CFAP92: variants seen among roughly 807,000 people sequenced by gnomAD.
The protein encoded by CFAP92 is cilia and flagella associated protein 92 (putative).
In CFAP92, 86 loss-of-function variants were observed where a neutral mutation model predicts 106.3. That is an observed-to-expected ratio of 0.81 (90% CI 0.68 to 0.97). CFAP92 has a LOEUF of 0.97. Ranked by LOEUF, CFAP92 falls within the 50% of genes least tolerant of loss-of-function variation. The pLI is 0.00. For missense variants in CFAP92, 1,204 were observed against 1,283.8 expected, an observed-to-expected ratio of 0.94 and a Z score of 0.95; for synonymous variants, 477 against 506.4, an observed-to-expected ratio of 0.94 and a Z score of 0.78.
intron 4 of CFAP92, among the ~76,000 whole-genome samples, chr3:128,984,923 G>A (rs754776755): frequency 1.6e-4 from 25 of 152,148 alleles, no homozygotes; most frequent in Non-Finnish European, 3.1e-4. Context: ...ATCTTTTTAC[G>A]TGAGAAAAGG....
intron 3 of CFAP92, among the ~76,000 whole-genome samples, chr3:128,988,309 C>T (rs1293938958): frequency 2.0e-5 from 3 of 152,096 alleles, no homozygotes; most frequent in East Asian, 1.9e-4. Context: ...GGGAGGCCAA[C>T]GCGGGAGGAT....
intron 4 of CFAP92, 121 bp from the exon 5 acceptor site, chr3:128,978,306 T>C: frequency 1.0e-6 from 1 of 952,704 alleles, no homozygotes. Flanking sequence ...CTAAAGTAAA[T>C]ATCACAATAA....
At chr3:129,007,898 A>G in the CFAP92 span, among the ~76,000 whole-genome samples, 2 of 152,146 alleles carry the variant, frequency 1.3e-5, no homozygotes, top group African/African-American at 2.4e-5. Context: ...AACCATACTA[A>G]TTTTAAAGTC....
intron 4 of CFAP92, among the ~76,000 whole-genome samples, chr3:128,981,579 C>T (rs1435024567): frequency 1.3e-5 from 2 of 152,166 alleles, no homozygotes; most frequent in Non-Finnish European, 2.9e-5. Context: ...GATCCACCCA[C>T]CTCGGCCTCC....
At chr3:128,981,686 T>C (rs1261726439) in intron 4 of CFAP92, among the ~76,000 whole-genome samples, 3 of 152,230 alleles carry the variant, frequency 2.0e-5, no homozygotes, top group Non-Finnish European at 4.4e-5. Context: ...TCACTATCTA[T>C]GGAAGCTATG....
chr3:128,923,231 AG>A (rs1333116057), intron 12 of CFAP92, among the ~76,000 whole-genome samples: 2 of 152,194 alleles, frequency 1.3e-5, no homozygotes, highest in African/African-American at 4.8e-5. Flanking sequence ...CCAACCATGG[AG>A]GGGGTTCCCC....
intron 12 of CFAP92, among the ~76,000 whole-genome samples, chr3:128,918,531 A>T (rs1460297838): frequency 6.6e-6 from 1 of 152,224 alleles, no homozygotes; most frequent in Non-Finnish European, 1.5e-5. Flanking sequence ...GAGGAGGAAC[A>T]TGCAGGAGGA....
the CFAP92 span, among the ~76,000 whole-genome samples, chr3:129,024,539 AG>A: frequency 6.6e-6 from 1 of 151,372 alleles, no homozygotes; most frequent in Non-Finnish European, 1.5e-5. Flanking sequence ...GCAAAAAAAA[AG>A]AAAAAAAAAA....
chr3:128,972,594 T>G (rs1942881641), intron 7 of CFAP92, among the ~76,000 whole-genome samples: 1 of 151,282 alleles, frequency 6.6e-6, no homozygotes, highest in Non-Finnish European at 1.5e-5. Context: ...GGTAACTCAC[T>G]CCTGTAAACC....
intron 12 of CFAP92, among the ~76,000 whole-genome samples, chr3:128,921,203 C>T (rs889654071): frequency 2.0e-5 from 3 of 152,136 alleles, no homozygotes; most frequent in Non-Finnish European, 4.4e-5. Context: ...ACATTCCTGG[C>T]GCCCAATATG....
intron 7 of CFAP92, 102 bp from the exon 8 acceptor site, chr3:128,971,535 G>A: frequency 1.0e-6 from 1 of 973,102 alleles, no homozygotes; most frequent in Non-Finnish European, 1.5e-6. Flanking sequence ...GGTTCTGGAA[G>A]CTCCTAGAAG....
chr3:128,989,086 C>T (rs751699454), intron 2 of CFAP92, among the ~76,000 whole-genome samples, 168 bp from the exon 3 acceptor site: 7 of 152,066 alleles, frequency 4.6e-5, no homozygotes, highest in Non-Finnish European at 8.8e-5. Flanking sequence ...CAGAGTAGCA[C>T]GACCTGGACT....
At position 128,945,634 on chromosome 3, in the gene CFAP92, G is replaced by A. The variant is rs754062408; in HGVS notation, c.1695C>T (p.Ile565=). Residue 565 remains isoleucine, a synonymous_variant, in exon 10 of 16, where the codon ATC becomes ATT. Transcript: ENST00000645291. The part of the protein sequence containing the change: ...SQNKMWYPYG[I]AQVSFADLLL... ...GGAGGTCAGCAAAACTGACCTGGGCGATGCCATAAGGGTACCACATCTTGT... is the reference window on the plus strand; with the variant it reads ...GGAGGTCAGCAAAACTGACCTGGGCAATGCCATAAGGGTACCACATCTTGT... The A allele has an allele frequency of 1.7e-4, 259 of 1,536,006 alleles. 1 individual carries two copies. Among genetic ancestry groups the A allele is most frequent in the Admixed American group, 8.2e-4 (42 of 50,986 alleles).
chr3:128,911,440 CTCTT>C (rs1040461426), intron 15 of CFAP92, among the ~76,000 whole-genome samples: 4 of 151,904 alleles, frequency 2.6e-5, no homozygotes, highest in African/African-American at 4.8e-5. Context: ...TGGCTGTATT[CTCTT>C]TTTTTTGGAG....
upstream of CFAP92, among the ~76,000 whole-genome samples, chr3:128,996,832 C>T (rs1338211853): frequency 6.6e-6 from 1 of 152,216 alleles, no homozygotes; most frequent in African/African-American, 2.4e-5. Flanking sequence ...TTCGTGGGCC[C>T]GCTGGTTCCC....
In CFAP92 at chr3:128,945,706, G is replaced by T. The variant is rs13059115; in HGVS notation, c.1623C>A (p.Ala541=). ...DPLDSYLNFQ[A]LISPRETENN... is the part of the protein sequence containing the mutation. ...TCTCTGTCTCTCTGGGAGAGATGAG[G>T]GCCTGGAAGTTGAGGTATGAATCCA... Residue 541 remains alanine, a synonymous_variant, in exon 10 of 16, where the codon GCC becomes GCA. Coordinates refer to ENST00000645291, the MANE Select transcript of CFAP92 (RefSeq NM_001394090.1). The T allele has an allele frequency of 0.14, 212,951 of 1,535,822 alleles. 15,443 individuals are homozygous for T. Among genetic ancestry groups the T allele is most frequent in the South Asian group, 0.17 (14,138 of 84,032 alleles).
chr3:128,979,982 AG>A (rs1943424928), intron 4 of CFAP92, among the ~76,000 whole-genome samples: 1 of 147,142 alleles, frequency 6.8e-6, no homozygotes, highest in Admixed American at 6.8e-5. Context: ...AAAAGAAAAA[AG>A]AGAAAAAGAA....
At chr3:128,987,527 T>A (rs1943933402) in intron 4 of CFAP92, 89 bp downstream of exon 4, 1 of 1,162,210 alleles carries the variant, frequency 8.6e-7, no homozygotes, top group African/African-American at 1.5e-5. Context: ...GCCAATTAGA[T>A]GAAGGAAACC....
chr3:128,992,830 G>A (rs185354614), intron 2 of CFAP92, among the ~76,000 whole-genome samples: 179 of 152,246 alleles, frequency 1.2e-3, no homozygotes, highest in African/African-American at 4.2e-3. Flanking sequence ...GGGTTGTTGA[G>A]AGGATTAAGT....
Sources: allele counts gnomAD v4.1 joint callset (sites outside exome capture counted in the v4.1 genomes callset), GRCh38; gene constraint gnomAD v4.1.1; transcripts MANE v1.5; gene names NCBI Gene and HGNC (gene_info 2026-07-23, HGNC 2026-07-21).